Variants in TDRD7 observed in about 807,000 individuals in gnomAD.
TDRD7 encodes tudor domain containing 7, also known as tudor domain-containing protein 7.
TDRD7 carries 47 observed loss-of-function variants against 109.8 expected under a neutral mutation model. That is an observed-to-expected ratio of 0.43 (90% CI 0.34 to 0.55). TDRD7 has a LOEUF of 0.55. Ranked by LOEUF, TDRD7 falls within the 20% of genes least tolerant of loss-of-function variation. The pLI, the probability that TDRD7 is intolerant of heterozygous loss-of-function variation, is 0.03. For synonymous variants in TDRD7, 424 were observed against 457.3 expected (o/e 0.93, Z 0.93); for missense variants, 1,164 against 1,319.2 (o/e 0.88, Z 1.82).
intron 1 of TDRD7, among the ~76,000 whole-genome samples, chr9:97,415,462 A>G (rs1199831797): frequency 6.6e-6 from 1 of 152,218 alleles, no homozygotes; most frequent in Non-Finnish European, 1.5e-5. Context: ...TATAGTAAAG[A>G]GAAAAGCTGT....
chr9:97,444,794 A>G (rs1033170994), intron 6 of TDRD7, among the ~76,000 whole-genome samples: 6 of 152,240 alleles, frequency 3.9e-5, no homozygotes, highest in African/African-American at 1.4e-4. Context: ...ATCACCCATC[A>G]TTCTACCACC....
At chr9:97,480,584 G>A (rs1829099556) in intron 13 of TDRD7, 10 of 486,430 alleles carry the variant, frequency 2.1e-5, no homozygotes, top group Non-Finnish European at 3.4e-5. Context: ...TTGTACGGTG[G>A]GAAGTATATG....
intron 10 of TDRD7, among the ~76,000 whole-genome samples, 159 bp from the exon 11 acceptor site, chr9:97,473,333 C>T (rs1037077637): frequency 3.9e-5 from 6 of 152,116 alleles, no homozygotes; most frequent in African/African-American, 1.4e-4. Flanking sequence ...TAGTTTTGTA[C>T]ATTTAAGCTA....
chr9:97,440,401 C>T (rs1383042623), intron 5 of TDRD7, among the ~76,000 whole-genome samples: 3 of 152,204 alleles, frequency 2.0e-5, no homozygotes, highest in East Asian at 3.8e-4. Flanking sequence ...ACACAGCTGT[C>T]GGTCAGCTGC....
Position 97,495,716 on chromosome 9 carries a change from G to A in TDRD7, c.3130G>A (p.Val1044Met), listed in dbSNP as rs1403711204. ...GGCTTCTATGGTGTTTCGAAATCAT[G>A]TGGAGAAGAAACCTCTGGTGGCACT... ...EEASMVFRNHVEKKPLVALVQ... is the reference protein window; with the variant it reads ...EEASMVFRNHMEKKPLVALVQ... The change falls in exon 17 of 17, where the codon GTG becomes ATG. Residue 1044 changes from valine to methionine, a missense_variant. By Grantham distance (21) the Val-to-Met change is conservative. Transcript: ENST00000355295. The A allele has an allele frequency of 6.2e-7, 1 of 1,614,198 alleles. No homozygotes were observed. Among genetic ancestry groups the A allele is most frequent in the East Asian group, 2.2e-5 (1 of 44,880 alleles).
At position 97,495,960 on chromosome 9, in the gene TDRD7, TAACTC is replaced by T. The variant is rs1029859726; in HGVS notation, c.*78_*82del. On this transcript the variant is annotated 3_prime_UTR_variant, in exon 17 of 17. Transcript: ENST00000355295. ...AATGTAGTAGGCTTAAAAAAAATCT[TAACTC>T]TGCTACATGGCTCTGACTGCTGTGG... The T allele has an allele frequency of 1.5e-5, 17 of 1,152,606 alleles. No homozygotes were observed. The African/African-American group carries it at 2.3e-4, about 15-fold the overall frequency. The allele number at this position is 1,152,606 out of a possible 1,614,324, so 71.4% of individuals were successfully genotyped here.
At chr9:97,486,670 C>T (rs1829217051) in intron 15 of TDRD7, among the ~76,000 whole-genome samples, 1 of 152,174 alleles carries the variant, frequency 6.6e-6, no homozygotes, top group South Asian at 2.1e-4. Flanking sequence ...GGAAGGTTTG[C>T]TCTGCTCCAA....
rs770168032 is a variant in TDRD7, at chr9:97,472,316, C to T, written c.1765C>T (p.Pro589Ser). 5.0e-6 allele frequency: 8 copies of T among 1,613,654 alleles called. No individual in the cohort carries two copies. In the Admixed American group the frequency reaches 1.3e-4, roughly 27 times the overall value. The change falls in exon 10 of 17, where the codon CCT becomes TCT. Residue 589 changes from proline (P) to serine (S), a missense_variant. Pro to Ser is a moderately conservative substitution (Grantham distance 74). This residue lies in a region of TDRD7 where 261 missense variants were observed against 336.2 expected (regional missense o/e 0.78). Transcript: ENST00000355295. ...LAGLEVLSDD[P>S]DLVKVVESLT... ...AGGCTTGGAAGTCCTAAGCGATGAC[C>T]CTGATCTAGTGAAGGTGGTTGAATC...
chr9:97,464,893 G>A lies in TDRD7; in HGVS notation c.1494G>A (p.Met498Ile). Residue 498 changes from methionine to isoleucine, a missense_variant, in exon 8 of 17, where the codon ATG becomes ATA. Met to Ile is a conservative substitution (Grantham distance 10). Around this residue, in one of 5 missense-constraint regions of TDRD7, gnomAD observed 261 missense variants for 336.2 expected, o/e 0.78. Coordinates refer to ENST00000355295, the MANE Select transcript of TDRD7 (RefSeq NM_014290.3). ...CTCAGGAATTAATGGAAGATGAGAT[G>A]AAGGAATATTACAGTAAGAATCCTA... is the stretch of plus-strand genomic sequence containing the variant. ...SAAQELMEDE[M>I]KEYYSKNPKI... The A allele has an allele frequency of 6.2e-7, 1 of 1,614,196 alleles. No homozygotes were observed. Among genetic ancestry groups the A allele is most frequent in the Non-Finnish European group, 8.5e-7 (1 of 1,180,026 alleles).
intron 6 of TDRD7, among the ~76,000 whole-genome samples, chr9:97,449,088 T>G (rs1174072821): frequency 6.6e-6 from 1 of 152,204 alleles, no homozygotes; most frequent in East Asian, 1.9e-4. Context: ...GGATGAAGAC[T>G]TCTATTTGTC....
chr9:97,473,678 G>A, intron 11 of TDRD7, 52 bp downstream of exon 11: 2 of 1,610,420 alleles, frequency 1.2e-6, no homozygotes, highest in South Asian at 2.2e-5. Flanking sequence ...TTACAAGCAA[G>A]AGTAATTTAC....
At chr9:97,440,330 T>G (rs962217897) in intron 5 of TDRD7, among the ~76,000 whole-genome samples, 2 of 152,190 alleles carry the variant, frequency 1.3e-5, no homozygotes, top group Non-Finnish European at 2.9e-5. Context: ...TTAATTTGTT[T>G]AACAAAAGGT....
chr9:97,452,227 A>G (rs1828509250), intron 6 of TDRD7, among the ~76,000 whole-genome samples: 1 of 152,202 alleles, frequency 6.6e-6, no homozygotes, highest in African/African-American at 2.4e-5. Context: ...AAAAAGAGAG[A>G]GAGAAAGAAA....
intron 8 of TDRD7, among the ~76,000 whole-genome samples, chr9:97,469,446 T>C (rs936309699): frequency 7.9e-5 from 12 of 152,216 alleles, no homozygotes; most frequent in Non-Finnish European, 4.4e-5. Context: ...TGGTGTCTTC[T>C]GCTTTTTTCC....
intron 1 of TDRD7, 41 bp from the exon 2 acceptor site, chr9:97,428,419 A>G (rs1374380829): frequency 5.7e-6 from 9 of 1,582,398 alleles, no homozygotes; most frequent in Non-Finnish European, 7.8e-6. Context: ...TTCACAAACG[A>G]ATGAGCCATA....
At chr9:97,430,009 T>C (rs1828072813) in intron 2 of TDRD7, among the ~76,000 whole-genome samples, 1 of 152,188 alleles carries the variant, frequency 6.6e-6, no homozygotes, top group Non-Finnish European at 1.5e-5. Flanking sequence ...ATTATGTTCT[T>C]GTAATATAGT....
intron 11 of TDRD7, among the ~76,000 whole-genome samples, chr9:97,473,842 A>G (rs757585458): frequency 1.2e-4 from 18 of 152,180 alleles, no homozygotes; most frequent in Non-Finnish European, 2.1e-4. Context: ...GAAGATAGCA[A>G]TAGTGTGTAC....
chr9:97,420,949 A>G (rs1827889163), intron 1 of TDRD7, among the ~76,000 whole-genome samples: 1 of 152,164 alleles, frequency 6.6e-6, no homozygotes, highest in Non-Finnish European at 1.5e-5. Flanking sequence ...CCTGACCAAT[A>G]TGGTGAAACC....
intron 16 of TDRD7, among the ~76,000 whole-genome samples, chr9:97,488,006 A>G (rs965882741): frequency 2.0e-5 from 3 of 152,210 alleles, no homozygotes; most frequent in African/African-American, 7.2e-5. Context: ...CACCACATTC[A>G]CATCAGCCTC....
Sources: gnomAD v4.1 joint callset for allele counts (sites outside exome capture counted in the v4.1 genomes callset) on GRCh38, gnomAD v4.1.1 for gene constraint, gnomAD v4.1.1 regional missense constraint, MANE v1.5 for transcripts, NCBI Gene and HGNC (gene_info 2026-07-23, HGNC 2026-07-21) for gene names.